Variants in CCSER2 observed in about 807,000 individuals in gnomAD.
CCSER2 encodes coiled-coil serine rich protein 2, also known as serine-rich coiled-coil domain-containing protein 2.
In CCSER2, 46 loss-of-function variants were observed where a neutral mutation model predicts 92.3. The observed-to-expected ratio is 0.50, with a 90% CI of 0.39 to 0.64. CCSER2 has a LOEUF of 0.64. CCSER2 is among the 30% of genes least tolerant of loss of function. CCSER2 has a pLI of 0.00. For synonymous variants in CCSER2, 433 were observed against 431.4 expected (o/e 1.00, Z -0.04); for missense variants, 1,244 against 1,238.9 (o/e 1.00, Z -0.06).
At chr10:84,482,237 A>G (rs1175074850) in intron 9 of CCSER2, among the ~76,000 whole-genome samples, 1 of 152,176 alleles carries the variant, frequency 6.6e-6, no homozygotes, top group African/African-American at 2.4e-5. Flanking sequence ...TTCCAGAGGA[A>G]AGTGGGGCAA....
chr10:84,424,880 C>G (rs1843345556), intron 4 of CCSER2: 1 of 381,996 alleles, frequency 2.6e-6, no homozygotes, highest in Non-Finnish European at 3.6e-6. Context: ...ACAGGGCAAA[C>G]TGGGCTTGCT....
intron 7 of CCSER2, among the ~76,000 whole-genome samples, chr10:84,467,853 A>AT (rs1048532496): frequency 6.6e-6 from 1 of 151,840 alleles, no homozygotes; most frequent in African/African-American, 2.4e-5. Flanking sequence ...CAAAATTTTG[A>AT]TTTCTTCTCT....
chr10:84,359,791 T>A (rs993714457), intron 1 of CCSER2, among the ~76,000 whole-genome samples: 5 of 152,012 alleles, frequency 3.3e-5, no homozygotes, highest in African/African-American at 7.3e-5. Flanking sequence ...GCATCCTTAT[T>A]TGGGGTTTAC....
chr10:84,455,273 TTTTCTTTTTC>T lies in CCSER2; in HGVS notation c.2065-8656_2065-8647del, dbSNP rs144269568. The T allele has an allele frequency of 1.9e-3, 202 of 105,270 alleles. 1 individual carries two copies. Among genetic ancestry groups the T allele is most frequent in the African/African-American group, 4.8e-3 (112 of 23,106 alleles). 6.5% of individuals were successfully genotyped at this position (105,270 alleles called of 1,614,324 possible). A position where few individuals can be genotyped will look rare whatever the true frequency, so the allele number is the denominator to read the frequency against. Reference sequence around the variant, plus strand: ...ACTTTCTTTCTTTTTTTCTTTTTCTTTTTCTTTTTCTTTTTTTTTTTTTTGAGAAAGAGTC... The same window carrying T: ...ACTTTCTTTCTTTTTTTCTTTTTCTTTTTTTTTTTTTTTTGAGAAAGAGTC... On this transcript the variant is annotated intron_variant, in intron 6 of 9. Coordinates refer to ENST00000372088, the MANE Select transcript of CCSER2 (RefSeq NM_001284240.2).
intron 3 of CCSER2, among the ~76,000 whole-genome samples, chr10:84,378,792 T>G (rs1350841024): frequency 6.6e-6 from 1 of 152,162 alleles, no homozygotes; most frequent in Non-Finnish European, 1.5e-5. Flanking sequence ...AGTCTGGCCT[T>G]GAACTCCTGG....
At chr10:84,402,822 T>C (rs1842188727) in intron 3 of CCSER2, among the ~76,000 whole-genome samples, 1 of 152,204 alleles carries the variant, frequency 6.6e-6, no homozygotes, top group South Asian at 2.1e-4. Context: ...AGAAAAGGGA[T>C]TTTTATTTTC....
chr10:84,417,591 A>C (rs1842946292), intron 3 of CCSER2, among the ~76,000 whole-genome samples, 180 bp from the exon 4 acceptor site: 1 of 152,214 alleles, frequency 6.6e-6, no homozygotes, highest in African/African-American at 2.4e-5. Context: ...GATGTTAGAA[A>C]TAGCTTAATT....
chr10:84,463,964 A>G lies in CCSER2; in HGVS notation c.2096A>G (p.Gln699Arg). ...HDGSGSLHDIQLSLPSSPEPE... is the reference protein window; with the variant it reads ...HDGSGSLHDIRLSLPSSPEPE... ...GGAAGTGGTTCATTGCATGATATTCAACTGTCATTGCCATCCAGTCCAGAA... is the reference window on the plus strand; with the variant it reads ...GGAAGTGGTTCATTGCATGATATTCGACTGTCATTGCCATCCAGTCCAGAA... The change falls in exon 7 of 10, where the codon CAA becomes CGA. Residue 699 changes from glutamine to arginine, a missense_variant. Physicochemically the swap from Gln to Arg is conservative, Grantham distance 43. Coordinates refer to ENST00000372088, the MANE Select transcript of CCSER2 (RefSeq NM_001284240.2). The G allele has an allele frequency of 6.2e-7, 1 of 1,611,544 alleles. No homozygotes were observed. The highest frequency in any genetic ancestry group is 8.5e-7 in the Non-Finnish European group (1 of 1,177,932).
At chr10:84,395,172 C>T (rs1030466376) in intron 3 of CCSER2, among the ~76,000 whole-genome samples, 6 of 149,846 alleles carry the variant, frequency 4.0e-5, no homozygotes, top group Non-Finnish European at 7.4e-5. Flanking sequence ...TGCAATGAGC[C>T]ATGATTGCGC....
intron 3 of CCSER2, among the ~76,000 whole-genome samples, chr10:84,397,742 A>G (rs1841918416): frequency 6.6e-6 from 1 of 152,234 alleles, no homozygotes; most frequent in Non-Finnish European, 1.5e-5. Flanking sequence ...GGTCTACAAC[A>G]TATTACATTA....
At chr10:84,499,000 A>G (rs1040777353) in intron 9 of CCSER2, among the ~76,000 whole-genome samples, 3 of 152,240 alleles carry the variant, frequency 2.0e-5, no homozygotes, top group Non-Finnish European at 4.4e-5. Context: ...ATTAAAAAGC[A>G]TGTCCACGTA....
At chr10:84,330,013 A>G (rs1287130182) in intron 1 of CCSER2, among the ~76,000 whole-genome samples, 2 of 152,284 alleles carry the variant, frequency 1.3e-5, no homozygotes, top group African/African-American at 4.8e-5. Context: ...AGAAAGCACT[A>G]GAAGCCATCC....
At chr10:84,457,293 T>TA (rs1564684820) in intron 6 of CCSER2, among the ~76,000 whole-genome samples, 9 of 78,948 alleles carry the variant, frequency 1.1e-4, no homozygotes, top group East Asian at 6.5e-4. Context: ...ATATTATATA[T>TA]TATATATAAT....
At chr10:84,411,672 T>C (rs1842656798) in intron 3 of CCSER2, among the ~76,000 whole-genome samples, 1 of 152,240 alleles carries the variant, frequency 6.6e-6, no homozygotes, top group Admixed American at 6.5e-5. Context: ...TCCTGAGACT[T>C]TGCTGAAGTT....
At chr10:84,347,705 C>T (rs1465104484) in intron 1 of CCSER2, among the ~76,000 whole-genome samples, 5 of 147,972 alleles carry the variant, frequency 3.4e-5, no homozygotes, top group Admixed American at 1.3e-4. Flanking sequence ...TCAGACGGGG[C>T]GGCTGCTGGG....
chr10:84,453,256 CTATGA>C (rs1845407446), intron 6 of CCSER2, among the ~76,000 whole-genome samples: 4 of 151,710 alleles, frequency 2.6e-5, no homozygotes, highest in South Asian at 4.2e-4. Flanking sequence ...CAATATATTT[CTATGA>C]TATAAGTTCT....
intron 1 of CCSER2, among the ~76,000 whole-genome samples, chr10:84,347,106 A>G (rs1259121099): frequency 6.6e-6 from 1 of 152,236 alleles, no homozygotes; most frequent in Non-Finnish European, 1.5e-5. Flanking sequence ...GGGTAAGGTC[A>G]TAGATCAACA....
Position 84,367,884 on chromosome 10 carries a change from CA to C in CCSER2, c.-39-3129del, listed in dbSNP as rs148539368. 2.3e-3 allele frequency among the ~76,000 whole-genome samples: 348 copies of C among 152,102 alleles called. 1 individual carries two copies. The highest frequency in any genetic ancestry group is 7.7e-3 in the African/African-American group (320 of 41,490). On this transcript the variant is annotated intron_variant, in intron 1 of 9. Transcript: ENST00000372088. ...GAAACTGTTTATATGATTGTATGGG[CA>C]TTTCTTTTTGTCTTGCTCAGGCTTA...
intron 9 of CCSER2, among the ~76,000 whole-genome samples, chr10:84,499,435 G>A (rs554828872): frequency 2.6e-5 from 4 of 152,096 alleles, no homozygotes; most frequent in South Asian, 4.1e-4. Flanking sequence ...GCACCCGGCC[G>A]AAATAAAAAT....
Sources: allele counts gnomAD v4.1 joint callset (sites outside exome capture counted in the v4.1 genomes callset), GRCh38; gene constraint gnomAD v4.1.1; transcripts MANE v1.5; gene names NCBI Gene and HGNC (gene_info 2026-07-23, HGNC 2026-07-21).